The following SHISAL1 variants were observed in gnomAD, a reference collection of about 807,000 sequenced individuals.
SHISAL1 encodes the protein protein shisa-like-1.
Under a neutral mutation model 22.6 loss-of-function variants are expected in SHISAL1, and 9 were observed. The ratio of observed to expected loss-of-function variants is 0.40; its 90% CI spans 0.24 to 0.70. SHISAL1 has a LOEUF of 0.70. SHISAL1 is among the 30% of genes least tolerant of loss of function. The probability of loss-of-function intolerance (pLI) is 0.39; values close to 1 mark genes in which losing one functional copy is unlikely to be tolerated. For missense variants in SHISAL1, 246 were observed against 270.6 expected, an observed-to-expected ratio of 0.91 and a Z score of 0.64; for synonymous variants, 119 against 115.4, an observed-to-expected ratio of 1.03 and a Z score of -0.20.
chr22:44,330,845 C>T, the SHISAL1 span, among the ~76,000 whole-genome samples: 35 of 152,198 alleles, frequency 2.3e-4, no homozygotes, highest in African/African-American at 7.9e-4. Context: ...AATGTTGATT[C>T]GGCCCCGGAG....
chr22:44,259,394 C>T (rs924828759), intron 4 of SHISAL1, among the ~76,000 whole-genome samples: 14 of 151,646 alleles, frequency 9.2e-5, no homozygotes, highest in African/African-American at 2.7e-4. Context: ...GCCGATATCG[C>T]GCCACTGCAC....
intron 4 of SHISAL1, among the ~76,000 whole-genome samples, chr22:44,266,553 T>TGTGTGTGTGTGTGTGTGTGTGTGTGTGG (rs2055165180): frequency 6.8e-6 from 1 of 146,414 alleles, no homozygotes; most frequent in Admixed American, 6.7e-5. Context: ...TGTGTGTGTG[T>TGTGTGTGTGTGTGTGTGTGTGTGTGTGG]GTGTGTTGGA....
At position 44,256,718 on chromosome 22, in the gene SHISAL1, G is replaced by C. The variant is rs948563504; in HGVS notation, c.*-7033C>G. 8.6e-5 allele frequency among the ~76,000 whole-genome samples: 13 copies of C among 151,608 alleles called. 2 individuals carry two copies. Among genetic ancestry groups the C allele is most frequent in the Admixed American group, 4.6e-4 (7 of 15,210 alleles). ...TTGTTGCTGCTTTTGGCCCATGACT[G>C]TATCCCCAGGGCCAATAACGATGCC... is the stretch of plus-strand genomic sequence containing the variant. On this transcript the variant is annotated intron_variant, in intron 4 of 4. Coordinates refer to ENST00000381176, the MANE Select transcript of SHISAL1 (RefSeq NM_001099294.2).
At chr22:44,266,296 G>A (rs1221932305) in intron 4 of SHISAL1, among the ~76,000 whole-genome samples, 3 of 152,136 alleles carry the variant, frequency 2.0e-5, no homozygotes, top group African/African-American at 7.2e-5. Flanking sequence ...GATGCTTAAG[G>A]GAATTTTTAT....
intron 1 of SHISAL1, among the ~76,000 whole-genome samples, chr22:44,302,024 G>A (rs897451263): frequency 6.6e-6 from 1 of 152,104 alleles, no homozygotes; most frequent in South Asian, 2.1e-4. Context: ...TTTACTCAAT[G>A]CCACTGACTG....
chr22:44,266,958 A>G (rs1207234791), intron 4 of SHISAL1, among the ~76,000 whole-genome samples: 2 of 152,108 alleles, frequency 1.3e-5, no homozygotes, highest in Non-Finnish European at 2.9e-5. Flanking sequence ...CCAGCTATGT[A>G]AAAGGCAGGC....
chr22:44,306,153 C>T (rs914984436), intron 1 of SHISAL1, among the ~76,000 whole-genome samples: 4 of 152,228 alleles, frequency 2.6e-5, no homozygotes, highest in Non-Finnish European at 4.4e-5. Flanking sequence ...TTCCATGAGG[C>T]GGCCAGCCTC....
the SHISAL1 span, among the ~76,000 whole-genome samples, chr22:44,321,097 T>C: frequency 6.6e-6 from 1 of 152,090 alleles, no homozygotes; most frequent in Admixed American, 6.6e-5. Context: ...ATTAGCAATG[T>C]CTAATGGTAG....
At chr22:44,284,783 A>G (rs921203732) in intron 4 of SHISAL1, among the ~76,000 whole-genome samples, 2 of 152,086 alleles carry the variant, frequency 1.3e-5, no homozygotes, top group Non-Finnish European at 2.9e-5. Flanking sequence ...CATCCCCACC[A>G]TACTGGAACT....
At chr22:44,294,373 G>A (rs1016658514) in intron 3 of SHISAL1, among the ~76,000 whole-genome samples, 1 of 152,174 alleles carries the variant, frequency 6.6e-6, no homozygotes, top group Non-Finnish European at 1.5e-5. Context: ...GCAGCATGGT[G>A]GCAAAGCCCT....
intron 1 of SHISAL1, among the ~76,000 whole-genome samples, chr22:44,303,198 G>C (rs191387680): frequency 9.9e-5 from 15 of 152,092 alleles, no homozygotes; most frequent in Middle Eastern, 3.4e-3. Flanking sequence ...CCCGGCTCTG[G>C]GCCAGAAGAG....
chr22:44,299,562 C>T (rs997082913), intron 2 of SHISAL1, among the ~76,000 whole-genome samples: 23 of 152,288 alleles, frequency 1.5e-4, no homozygotes, highest in Admixed American at 1.2e-3. Context: ...CTTTGCTGTC[C>T]GGGGAGCCCT....
Position 44,253,425 on chromosome 22 carries a change from A to ATTTTTTTTTTTTTTTTTT in SHISAL1, c.*-3741_*-3740insAAAAAAAAAAAAAAAAAA, listed in dbSNP as rs1491154287. Among the ~76,000 whole-genome samples, 22 of 107,884 alleles carry ATTTTTTTTTTTTTTTTTT rather than the reference A, an allele frequency of 2.0e-4. 11 individuals are homozygous for ATTTTTTTTTTTTTTTTTT. Among genetic ancestry groups the ATTTTTTTTTTTTTTTTTT allele is most frequent in the Non-Finnish European group, 2.8e-4 (14 of 50,378 alleles). The allele number at this position is 107,884 out of a possible 152,430, so 70.8% of individuals were successfully genotyped here. ...AAGCAGAGTATGCTAGTATTAGTGC[A>ATTTTTTTTTTTTTTTTTT]TGTTTTTTTTTTTTTTTTTTTTTGA... is the stretch of plus-strand genomic sequence containing the variant. On this transcript the variant is annotated intron_variant, in intron 4 of 4. Coordinates refer to ENST00000381176, the MANE Select transcript of SHISAL1 (RefSeq NM_001099294.2).
intron 1 of SHISAL1, among the ~76,000 whole-genome samples, chr22:44,301,750 T>C (rs2055430969): frequency 6.6e-6 from 1 of 152,102 alleles, no homozygotes. Context: ...TGATACATGC[T>C]ACAGCAGGGG....
At chr22:44,279,298 C>A (rs75622011) in intron 4 of SHISAL1, among the ~76,000 whole-genome samples, 2,667 of 152,332 alleles carry the variant, frequency 0.018, 73 homozygotes, top group African/African-American at 0.061. Flanking sequence ...CCCCAAGGAG[C>A]TGCAACTCCA....
chr22:44,303,814 A>T (rs2055450805), intron 1 of SHISAL1, among the ~76,000 whole-genome samples: 1 of 151,984 alleles, frequency 6.6e-6, no homozygotes, highest in Non-Finnish European at 1.5e-5. Flanking sequence ...CCCGAATCCC[A>T]CCCGGGTGGG....
chr22:44,284,310 G>A (rs1261225534), intron 4 of SHISAL1, among the ~76,000 whole-genome samples: 1 of 152,078 alleles, frequency 6.6e-6, no homozygotes, highest in African/African-American at 2.4e-5. Context: ...TTGGGAGGGG[G>A]CAGTCTTACC....
intron 3 of SHISAL1, among the ~76,000 whole-genome samples, chr22:44,290,782 C>T (rs769807187): frequency 5.3e-5 from 8 of 152,144 alleles, no homozygotes; most frequent in Admixed American, 3.3e-4. Context: ...TGAGATAACA[C>T]GAGGGCCTGG....
chr22:44,293,814 C>T (rs1228778893), intron 3 of SHISAL1, among the ~76,000 whole-genome samples: 1 of 152,136 alleles, frequency 6.6e-6, no homozygotes, highest in African/African-American at 2.4e-5. Context: ...CTAGGGCTAA[C>T]GATTAAAAAT....
Sources: gnomAD v4.1 joint callset for allele counts (sites outside exome capture counted in the v4.1 genomes callset) on GRCh38, gnomAD v4.1.1 for gene constraint, MANE v1.5 for transcripts, NCBI Gene and HGNC (gene_info 2026-07-23, HGNC 2026-07-21) for gene names.